The following EPHB2 variants were observed in gnomAD, a reference collection of about 807,000 sequenced individuals.
EPHB2 encodes the protein ephrin type-B receptor 2.
In EPHB2, 18 loss-of-function variants were observed where a neutral mutation model predicts 96.4. The observed-to-expected ratio is 0.19, with a 90% CI of 0.13 to 0.28. EPHB2 has a LOEUF of 0.28. EPHB2 is among the 10% of genes least tolerant of loss of function. The pLI is 1.00. For synonymous variants in EPHB2, 506 were observed against 534.1 expected (o/e 0.95, Z 0.72); for missense variants, 989 against 1,355.4 (o/e 0.73, Z 4.25).
intron 3 of EPHB2, among the ~76,000 whole-genome samples, chr1:22,819,775 C>T (rs1303821497): frequency 1.3e-5 from 2 of 151,978 alleles, no homozygotes. Flanking sequence ...AGTGAGGAAG[C>T]CACATCTAAT....
intron 5 of EPHB2, among the ~76,000 whole-genome samples, chr1:22,865,764 G>A (rs1638452309): frequency 1.3e-5 from 2 of 152,128 alleles, no homozygotes; most frequent in African/African-American, 2.4e-5. Flanking sequence ...TGGCCTCACT[G>A]AGACCCAGGA....
intron 5 of EPHB2, among the ~76,000 whole-genome samples, chr1:22,876,760 G>C (rs1469019255): frequency 6.6e-6 from 1 of 152,214 alleles, no homozygotes; most frequent in Non-Finnish European, 1.5e-5. Context: ...GCATCCAGCT[G>C]TTCCCTTTTC....
intron 9 of EPHB2, among the ~76,000 whole-genome samples, chr1:22,903,710 A>C (rs1287031065): frequency 6.6e-6 from 1 of 152,188 alleles, no homozygotes; most frequent in East Asian, 1.9e-4. Flanking sequence ...TGTTGGGCAC[A>C]AAGGGCTCAG....
At chr1:22,897,163 T>C (rs1639592146) in intron 9 of EPHB2, among the ~76,000 whole-genome samples, 1 of 152,174 alleles carries the variant, frequency 6.6e-6, no homozygotes, top group Admixed American at 6.5e-5. Flanking sequence ...TGGGGATGTA[T>C]GTGCCACACA....
chr1:22,799,826 C>T (rs1270249617), intron 3 of EPHB2, among the ~76,000 whole-genome samples: 1 of 152,176 alleles, frequency 6.6e-6, no homozygotes, highest in Non-Finnish European at 1.5e-5. Flanking sequence ...CTCATGGCAG[C>T]CTTAGAGAGA....
chr1:22,741,467 G>T (rs1176674450), intron 1 of EPHB2, among the ~76,000 whole-genome samples: 1 of 152,028 alleles, frequency 6.6e-6, no homozygotes, highest in Non-Finnish European at 1.5e-5. Context: ...TGGGAGATAA[G>T]GGTTCCCTGC....
At chr1:22,820,599 G>A (rs1645139682) in intron 3 of EPHB2, among the ~76,000 whole-genome samples, 1 of 151,984 alleles carries the variant, frequency 6.6e-6, no homozygotes, top group Non-Finnish European at 1.5e-5. Flanking sequence ...GGAGGTTGAG[G>A]CTGCAGTGAG....
At chr1:22,852,605 A>G (rs1645638859) in intron 3 of EPHB2, among the ~76,000 whole-genome samples, 1 of 152,134 alleles carries the variant, frequency 6.6e-6, no homozygotes. Flanking sequence ...GCGGGGGTCC[A>G]GGGGCTGGGA....
intron 3 of EPHB2, among the ~76,000 whole-genome samples, chr1:22,814,207 C>T (rs2869511): frequency 0.56 from 84,460 of 152,000 alleles, 25,890 homozygotes; most frequent in Non-Finnish European, 0.7. Flanking sequence ...ATACTCACCA[C>T]ATGGATTTGT....
chr1:22,767,844 G>A (rs1644328514), intron 1 of EPHB2, among the ~76,000 whole-genome samples: 2 of 152,218 alleles, frequency 1.3e-5, no homozygotes, highest in Admixed American at 6.5e-5. Flanking sequence ...GAAATGGTGG[G>A]AAAGCAATGG....
At chr1:22,766,932 T>G (rs1355432050) in intron 1 of EPHB2, among the ~76,000 whole-genome samples, 1 of 152,222 alleles carries the variant, frequency 6.6e-6, no homozygotes, top group Non-Finnish European at 1.5e-5. Flanking sequence ...GGCCCAGCTG[T>G]GGCCTGTGGT....
At chr1:22,824,022 T>C (rs1231835085) in intron 3 of EPHB2, among the ~76,000 whole-genome samples, 1 of 152,134 alleles carries the variant, frequency 6.6e-6, no homozygotes, top group Non-Finnish European at 1.5e-5. Flanking sequence ...GATAGGTTGA[T>C]GGATGGGTGG....
chr1:22,909,169 G>T lies in EPHB2; in HGVS notation c.2500G>T (p.Asp834Tyr). The stretch of plus-strand genomic sequence containing the variant: ...GCCCTACTGGGACATGACCAACCAG[G>T]ATGTAAGTCTCCAAGGGGATAGGCA... ...ERPYWDMTNQ[D>Y]VINAIEQDYR... Residue 834 changes from aspartate (D) to tyrosine (Y), a missense_variant and splice_region_variant, in exon 13 of 16, where the codon GAT becomes TAT. Physicochemically the swap from Asp to Tyr is radical, Grantham distance 160 (BLOSUM62 -3). Transcript: ENST00000374630. 6.2e-7 allele frequency: 1 copy of T among 1,614,218 alleles called. No individual in the cohort carries two copies. Among genetic ancestry groups the T allele is most frequent in the South Asian group, 1.1e-5 (1 of 91,086 alleles).
intron 1 of EPHB2, among the ~76,000 whole-genome samples, chr1:22,736,298 T>A (rs1024744955): frequency 6.6e-6 from 1 of 152,086 alleles, no homozygotes; most frequent in Non-Finnish European, 1.5e-5. Context: ...GGGGGAACGT[T>A]TGGGGACAAG....
At chr1:22,876,172 C>T (rs1457848034) in intron 5 of EPHB2, among the ~76,000 whole-genome samples, 3 of 152,112 alleles carry the variant, frequency 2.0e-5, no homozygotes, top group Non-Finnish European at 4.4e-5. Context: ...ATGGGGTCTC[C>T]AGCTGTCCTG....
At chr1:22,753,457 G>T (rs1644096141) in intron 1 of EPHB2, among the ~76,000 whole-genome samples, 1 of 152,126 alleles carries the variant, frequency 6.6e-6, no homozygotes, top group Non-Finnish European at 1.5e-5. Flanking sequence ...GGTGGCTTTG[G>T]TGGATATCCA....
intron 3 of EPHB2, among the ~76,000 whole-genome samples, chr1:22,800,951 T>G (rs114961304): frequency 0.012 from 1,878 of 152,258 alleles, 49 homozygotes; most frequent in African/African-American, 0.042. Flanking sequence ...TGCGCAACGC[T>G]CCATCCCTGG....
rs1465210230 is a variant in EPHB2, at chr1:22,860,798, G to A, written c.812-2239G>A. ...AGGAGGAAACCCGTTCAGAGAGGCC[G>A]ACTGCTCGACCAGAGCTGGGGCTGC... is the stretch of plus-strand genomic sequence containing the variant. On this transcript the variant is annotated intron_variant, in intron 3 of 15. Transcript: ENST00000374630. The surrounding 1 kb of genome is among the most constrained non-coding windows in gnomAD (Gnocchi z 4.6). Among the ~76,000 whole-genome samples the A allele has an allele frequency of 1.3e-5, 2 of 152,156 alleles. No individual in the cohort carries two copies. The highest frequency in any genetic ancestry group is 2.9e-5 in the Non-Finnish European group (2 of 68,030).
intron 1 of EPHB2, among the ~76,000 whole-genome samples, chr1:22,764,313 C>T (rs1398673375): frequency 6.6e-6 from 1 of 152,228 alleles, no homozygotes; most frequent in Non-Finnish European, 1.5e-5. Context: ...TATAGCCAGG[C>T]TCTGGGCTAA....
Sources: gnomAD v4.1 joint callset for allele counts (sites outside exome capture counted in the v4.1 genomes callset) on GRCh38, gnomAD v4.1.1 for gene constraint, Gnocchi (gnomAD v3.1) non-coding constraint, MANE v1.5 for transcripts, NCBI Gene and HGNC (gene_info 2026-07-23, HGNC 2026-07-21) for gene names.